The following STXBP5L variants were observed in gnomAD, a reference collection of about 807,000 sequenced individuals.
STXBP5L encodes the protein syntaxin-binding protein 5-like.
A neutral mutation model predicts 144.5 loss-of-function variants in STXBP5L; 65 were observed. That is an observed-to-expected ratio of 0.45 (90% confidence interval 0.37 to 0.55). STXBP5L has a LOEUF of 0.55. Ranked by LOEUF, STXBP5L falls within the 20% of genes least tolerant of loss-of-function variation. The pLI is 0.00. For missense variants in STXBP5L, 1,298 were observed against 1,405.5 expected, an observed-to-expected ratio of 0.92 and a Z score of 1.22; for synonymous variants, 505 against 469.6, an observed-to-expected ratio of 1.08 and a Z score of -0.97.
intron 9 of STXBP5L, among the ~76,000 whole-genome samples, chr3:121,200,540 T>C (rs1349758093): frequency 6.6e-6 from 1 of 152,204 alleles, no homozygotes. Context: ...TTGTTTGCTC[T>C]TTCTTCTCTA....
At chr3:121,246,160 G>T (rs1297454861) in intron 14 of STXBP5L, among the ~76,000 whole-genome samples, 2 of 152,194 alleles carry the variant, frequency 1.3e-5, no homozygotes, top group Non-Finnish European at 2.9e-5. Flanking sequence ...CCTCCTGTTA[G>T]ATCAGGGACA....
chr3:121,390,868 T>TATCTTA (rs2046567113), intron 22 of STXBP5L, among the ~76,000 whole-genome samples: 1 of 152,030 alleles, frequency 6.6e-6, no homozygotes, highest in Non-Finnish European at 1.5e-5. Context: ...TGTCTCGGGG[T>TATCTTA]TGCTCTTCTC....
At chr3:121,002,148 G>C (rs191907405) in intron 3 of STXBP5L, among the ~76,000 whole-genome samples, 1 of 152,100 alleles carries the variant, frequency 6.6e-6, no homozygotes, top group East Asian at 1.9e-4. Context: ...CAAAATGGCT[G>C]TACCAATTTA....
At chr3:121,303,077 C>G (rs1198816040) in intron 19 of STXBP5L, among the ~76,000 whole-genome samples, 2 of 152,058 alleles carry the variant, frequency 1.3e-5, no homozygotes, top group Non-Finnish European at 2.9e-5. Flanking sequence ...AAGAAACTAC[C>G]ATCAGAGTGA....
chr3:121,144,139 TAAAA>T (rs3070611), intron 7 of STXBP5L, among the ~76,000 whole-genome samples: 12 of 134,514 alleles, frequency 8.9e-5, no homozygotes, highest in Middle Eastern at 4.0e-3. Context: ...AACTCAATAG[TAAAA>T]AAAAAAAAAA....
At chr3:120,990,026 T>G (rs1337438807) in intron 3 of STXBP5L, among the ~76,000 whole-genome samples, 1 of 152,130 alleles carries the variant, frequency 6.6e-6, no homozygotes, top group Non-Finnish European at 1.5e-5. Context: ...TTGTCCCTGT[T>G]TGCAGACGAC....
chr3:121,054,213 C>A (rs1001367383), intron 5 of STXBP5L, among the ~76,000 whole-genome samples: 2 of 152,098 alleles, frequency 1.3e-5, no homozygotes, highest in Admixed American at 1.3e-4. Flanking sequence ...ACTAGAAATA[C>A]CATTTGACCC....
chr3:121,161,350 T>G (rs1352156625), intron 9 of STXBP5L, among the ~76,000 whole-genome samples: 1 of 151,918 alleles, frequency 6.6e-6, no homozygotes, highest in African/African-American at 2.4e-5. Flanking sequence ...ATGAACACTT[T>G]ACATGATCTT....
At chr3:121,123,044 G>T (rs1486648476) in intron 7 of STXBP5L, among the ~76,000 whole-genome samples, 2 of 151,486 alleles carry the variant, frequency 1.3e-5, no homozygotes, top group Non-Finnish European at 3.0e-5. Context: ...CAAAAAAGAT[G>T]ATTTTAAGAG....
chr3:121,032,350 A>G lies in STXBP5L; in HGVS notation c.288-9350A>G, dbSNP rs189048972. On this transcript the variant is annotated intron_variant, in intron 3 of 26. Coordinates refer to ENST00000471454, the MANE Select transcript of STXBP5L (RefSeq NM_001308330.2). ...TTTGATTATAAAGTCAAATATTGCA[A>G]TAGGGATCAAATTAGAGAAAGACTG... is the stretch of plus-strand genomic sequence containing the variant. Among the ~76,000 whole-genome samples the G allele has an allele frequency of 5.5e-4, 83 of 152,222 alleles. No individual in the cohort carries two copies. The East Asian group carries it at 0.014, about 26-fold the overall frequency.
At chr3:121,052,236 C>A (rs555329791) in intron 5 of STXBP5L, among the ~76,000 whole-genome samples, 84 of 152,254 alleles carry the variant, frequency 5.5e-4, no homozygotes, top group Middle Eastern at 3.4e-3. Flanking sequence ...TTTTATGAGG[C>A]CCGCATCATC....
chr3:120,998,676 A>T (rs1320591878), intron 3 of STXBP5L, among the ~76,000 whole-genome samples: 1 of 152,106 alleles, frequency 6.6e-6, no homozygotes, highest in Non-Finnish European at 1.5e-5. Context: ...AAGTTTTAAG[A>T]TACAAAAATT....
intron 2 of STXBP5L, among the ~76,000 whole-genome samples, chr3:120,934,202 G>A (rs1469870715): frequency 1.3e-5 from 2 of 150,808 alleles, no homozygotes; most frequent in Non-Finnish European, 3.0e-5. Context: ...ATTGTCTTGA[G>A]GCATGTTAAG....
intron 7 of STXBP5L, among the ~76,000 whole-genome samples, chr3:121,148,596 A>G (rs1336107839): frequency 2.6e-5 from 4 of 152,246 alleles, no homozygotes; most frequent in Admixed American, 1.3e-4. Flanking sequence ...TTATTCCTTT[A>G]ATTTAACATT....
At chr3:121,292,919 A>G (rs1408246988) in intron 19 of STXBP5L, among the ~76,000 whole-genome samples, 1 of 152,204 alleles carries the variant, frequency 6.6e-6, no homozygotes, top group Non-Finnish European at 1.5e-5. Context: ...AAAAGATGAC[A>G]CATTGGGTAC....
At chr3:121,360,119 C>T (rs1406501653) in intron 20 of STXBP5L, among the ~76,000 whole-genome samples, 1 of 141,970 alleles carries the variant, frequency 7.0e-6, no homozygotes, top group Non-Finnish European at 1.5e-5. Flanking sequence ...TTGTTATATC[C>T]TCTTGCTGAA....
intron 5 of STXBP5L, among the ~76,000 whole-genome samples, chr3:121,079,308 T>A (rs557716331): frequency 6.6e-6 from 1 of 152,346 alleles, no homozygotes; most frequent in South Asian, 2.1e-4. Context: ...ATTTCTTACA[T>A]CTTGAGAGAA....
chr3:121,170,990 A>C (rs996015569), intron 9 of STXBP5L, among the ~76,000 whole-genome samples: 6 of 152,202 alleles, frequency 3.9e-5, no homozygotes, highest in African/African-American at 1.4e-4. Context: ...AAGCTTATCC[A>C]CCATGATCAA....
At chr3:121,222,811 G>A (rs886092612) in intron 10 of STXBP5L, among the ~76,000 whole-genome samples, 192 bp from the exon 11 acceptor site, 1 of 152,162 alleles carries the variant, frequency 6.6e-6, no homozygotes, top group African/African-American at 2.4e-5. Context: ...TTTAATGTGA[G>A]AATGTACATC....
Sources: allele counts gnomAD v4.1 joint callset (sites outside exome capture counted in the v4.1 genomes callset), GRCh38; gene constraint gnomAD v4.1.1; transcripts MANE v1.5; gene names NCBI Gene and HGNC (gene_info 2026-07-23, HGNC 2026-07-21).